The following MUC5B variants were observed in gnomAD, a reference collection of about 807,000 sequenced individuals.
MUC5B encodes mucin 5B, oligomeric mucus/gel-forming, also known as mucin-5B.
MUC5B carries 116 observed loss-of-function variants against 376.9 expected under a neutral mutation model. That is an observed-to-expected ratio of 0.31 (90% CI 0.26 to 0.36). The LOEUF (loss-of-function observed/expected upper bound fraction) is 0.36, where lower values mean the gene tolerates loss of function less well. Ranked by LOEUF, MUC5B falls within the 10% of genes least tolerant of loss-of-function variation. The probability of loss-of-function intolerance (pLI) is 1.00; values close to 1 mark genes in which losing one functional copy is unlikely to be tolerated. For missense variants in MUC5B, 7,165 were observed against 7,769.9 expected (o/e 0.92, Z 2.93); for synonymous variants, 3,517 against 3,390.9 (o/e 1.04, Z -1.29).
intron 18 of MUC5B, 107 bp from the exon 19 acceptor site, chr11:1,233,686 G>T: frequency 9.1e-7 from 1 of 1,093,060 alleles, no homozygotes. Flanking sequence ...TTACAAGGAG[G>T]TGGCCAGGCT....
chr11:1,231,614 C>G (rs1231149951), intron 14 of MUC5B, 54 bp downstream of exon 14: 3 of 1,514,358 alleles, frequency 2.0e-6, no homozygotes, highest in Non-Finnish European at 2.7e-6. Flanking sequence ...GGGGCCTGGA[C>G]TAGCGCCAGG....
At chr11:1,236,213 C>G (rs1862153173) in intron 23 of MUC5B, 173 bp from the exon 24 acceptor site, 3 of 599,268 alleles carry the variant, frequency 5.0e-6, no homozygotes, top group Non-Finnish European at 2.8e-6. Flanking sequence ...CCTGGCCAGC[C>G]TCTTGCCAAA....
At chr11:1,251,778 C>T in intron 31 of MUC5B, 35 bp downstream of exon 31, 7 of 1,433,256 alleles carry the variant, frequency 4.9e-6, no homozygotes, top group Non-Finnish European at 5.8e-6. Context: ...TGTACCCTTT[C>T]CCCACATGCT....
intron 48 of MUC5B, among the ~76,000 whole-genome samples, chr11:1,261,176 A>G (rs1274885205): frequency 6.6e-6 from 1 of 152,202 alleles, no homozygotes; most frequent in African/African-American, 2.4e-5. Context: ...AGTGCAGGCC[A>G]CAGAAGACAG....
chr11:1,235,499 C>A (rs1862137281), intron 23 of MUC5B, 86 bp downstream of exon 23: 4 of 1,149,694 alleles, frequency 3.5e-6, no homozygotes, highest in Admixed American at 2.0e-5. Flanking sequence ...TTTAGCTGCA[C>A]CCACAGGTTC....
chr11:1,259,737 G>A lies in MUC5B; in HGVS notation c.16714-19G>A, dbSNP rs372303226. On this transcript the variant is annotated intron_variant, in intron 44 of 48. Coordinates refer to ENST00000529681, the MANE Select transcript of MUC5B (RefSeq NM_002458.3). ...CTGGAGGAGAGGGTTAGGGCCTGAC[G>A]CCCCTCATGTCCCCACAGGGCTTTG... 128 of 1,611,402 alleles carry A rather than the reference G, an allele frequency of 7.9e-5. No individual in the cohort carries two copies. Among genetic ancestry groups the A allele is most frequent in the Non-Finnish European group, 9.9e-5 (117 of 1,179,002 alleles).
rs538772569 is a variant in MUC5B at position 1,227,827 on chromosome 11, G to A, written c.774+46G>A. 29 of 683,096 alleles carry A rather than the reference G, an allele frequency of 4.2e-5. No homozygotes were observed. In the African/African-American group the frequency reaches 4.6e-4, roughly 11 times the overall value. 42.3% of individuals were successfully genotyped at this position (683,096 alleles called of 1,614,324 possible). A position where few individuals can be genotyped will look rare whatever the true frequency, so the allele number is the denominator to read the frequency against. The stretch of plus-strand genomic sequence containing the variant: ...AGCTCCTGGGCAGGGACGGCCTCCA[G>A]GTCCAGGGGGAGCTGGGCCGAGGTC... On this transcript the variant is annotated intron_variant, in intron 7 of 48. Coordinates refer to ENST00000529681, the MANE Select transcript of MUC5B (RefSeq NM_002458.3).
Position 1,243,191 on chromosome 11 carries a change from T to C in MUC5B, c.6311T>C (p.Val2104Ala). 6.3e-7 allele frequency: 1 copy of C among 1,597,886 alleles called. No homozygotes were observed. The highest frequency in any genetic ancestry group is 8.5e-7 in the Non-Finnish European group (1 of 1,172,438). Residue 2104 changes from valine (V) to alanine (A), a missense_variant, in exon 31 of 49, where the codon GTG becomes GCG. By Grantham distance (64) the Val-to-Ala change is moderately conservative. Around this residue, in one of 31 missense-constraint regions of MUC5B, gnomAD observed 897 missense variants for 779.6 expected, o/e 1.15. Coordinates refer to ENST00000529681, the MANE Select transcript of MUC5B (RefSeq NM_002458.3). ...SIPGTTHTAT[V>A]LTTTTTTVAT... ...CCGGGGACCACCCACACCGCCACAG[T>C]GCTGACCACCACCACCACAACTGTG...
At position 1,250,884 on chromosome 11, in the gene MUC5B, C is replaced by T. The variant is rs754993746; in HGVS notation, c.14004C>T (p.Ser4668=). The stretch of plus-strand genomic sequence containing the variant: ...CCACTGGTTCTATGGCAACACCCTC[C>T]TCTAGCACACAGACCAGTGGTACTC... The part of the protein sequence containing the change: ...TVATGSMATP[S]SSTQTSGTPP... Residue 4668 remains serine (S), a synonymous_variant, in exon 31 of 49, where the codon TCC becomes TCT. Coordinates refer to ENST00000529681, the MANE Select transcript of MUC5B (RefSeq NM_002458.3). The T allele has an allele frequency of 2.5e-6, 4 of 1,590,152 alleles. No homozygotes were observed. In the East Asian group the frequency reaches 9.3e-5, roughly 37 times the overall value.
chr11:1,223,468 G>A (rs1025173846), intron 1 of MUC5B: 1 of 552,118 alleles, frequency 1.8e-6, no homozygotes, highest in Non-Finnish European at 3.3e-6. Flanking sequence ...CCACCGAAAG[G>A]GTCTTGGTCT....
chr11:1,232,904 C>T, intron 17 of MUC5B, 109 bp from the exon 18 acceptor site: 1 of 1,462,460 alleles, frequency 6.8e-7, no homozygotes. Flanking sequence ...TCGCAAGAAC[C>T]TCATGCCCTT....
chr11:1,255,001 TC>T lies in MUC5B; in HGVS notation c.15665-36del. ...GAGGGGGGTGGGGGCTGTGAAAGGC[TC>T]CCCAGATTCCAGCCCCGCGGTGACG... On this transcript the variant is annotated intron_variant, in intron 35 of 48. Coordinates refer to ENST00000529681, the MANE Select transcript of MUC5B (RefSeq NM_002458.3). 6 of 1,534,858 alleles carry T rather than the reference TC, an allele frequency of 3.9e-6. No homozygotes were observed. In the South Asian group the frequency reaches 4.8e-5, roughly 12 times the overall value.
chr11:1,260,346 A>C lies in MUC5B; in HGVS notation c.16924-5A>C, dbSNP rs111338730. 6.7e-4 allele frequency: 1,084 copies of C among 1,611,714 alleles called. 14 individuals are homozygous for C. In the African/African-American group the frequency reaches 0.013, roughly 19 times the overall value. On this transcript the variant is annotated splice_region_variant and splice_polypyrimidine_tract_variant and intron_variant, in intron 46 of 48. Transcript: ENST00000529681. ...GCCCTGCCCCCTGTCTTTGGCCCCC[A>C]CCAGGGGAGCCTCAGGAAAACCGGC...
intron 39 of MUC5B, 125 bp downstream of exon 39, chr11:1,256,896 C>A: frequency 1.3e-6 from 1 of 741,844 alleles, no homozygotes; most frequent in Non-Finnish European, 2.1e-6. Context: ...GTGACCTGTT[C>A]TGCCCCACCA....
Position 1,237,099 on chromosome 11 carries a change from A to C in MUC5B, c.3232A>C (p.Lys1078Gln), listed in dbSNP as rs577887752. The C allele has an allele frequency of 1.9e-6, 3 of 1,551,514 alleles. No individual in the cohort carries two copies. In the South Asian group the frequency reaches 3.6e-5, roughly 19 times the overall value. ...CCCCTGCACGGCCAACCCCTTCCGC[A>C]AGTCCTGGGCCCAGAAGCAGTGCAG... is the stretch of plus-strand genomic sequence containing the variant. ...KDPCTANPFR[K>Q]SWAQKQCSIL... Residue 1078 changes from lysine to glutamine, a missense_variant, in exon 25 of 49, where the codon AAG becomes CAG. By Grantham distance (53) the Lys-to-Gln change is moderately conservative (BLOSUM62 1). Transcript: ENST00000529681.
At position 1,255,218 on chromosome 11, in the gene MUC5B, C is replaced by T. The variant is rs770491763; in HGVS notation, c.15842C>T (p.Thr5281Ile). 2.6e-6 allele frequency: 4 copies of T among 1,536,930 alleles called. No individual in the cohort carries two copies. Among genetic ancestry groups the T allele is most frequent in the African/African-American group, 1.4e-5 (1 of 72,820 alleles). Residue 5281 changes from threonine (T) to isoleucine (I), a missense_variant, in exon 36 of 49, where the codon ACC (threonine) becomes ATC (isoleucine). By Grantham distance (89) the Thr-to-Ile change is moderately conservative (BLOSUM62 -1). Coordinates refer to ENST00000529681, the MANE Select transcript of MUC5B (RefSeq NM_002458.3). ...SPAAPVSSTP[T>I]PTPCPPQPLC... Reference sequence around the variant, plus strand: ...GCAGCCCCGGTGTCTAGCACACCCACCCCCACCCCATGCCCACCACAGCCG... The same window carrying T: ...GCAGCCCCGGTGTCTAGCACACCCATCCCCACCCCATGCCCACCACAGCCG...
rs1339914623 is a variant in MUC5B, at chr11:1,240,334, C to T, written c.3929C>T (p.Pro1310Leu). The T allele has an allele frequency of 6.2e-7, 1 of 1,609,380 alleles. No homozygotes were observed. Among genetic ancestry groups the T allele is most frequent in the South Asian group, 1.1e-5 (1 of 90,788 alleles). Residue 1310 changes from proline to leucine, a missense_variant, in exon 30 of 49, where the codon CCA becomes CTA. Around this residue, in one of 31 missense-constraint regions of MUC5B, gnomAD observed 517 missense variants for 545.3 expected, o/e 0.95. Transcript: ENST00000529681. ...TGTCCTGGAACTCCAGCCACAACGC[C>T]ATTCACCTTCACCACCGCCTGGGTC... Reference protein sequence around the residue: ...VACPGTPATTPFTFTTAWVPH... With the variant: ...VACPGTPATTLFTFTTAWVPH...
In MUC5B at chr11:1,229,283, T is replaced by G. The variant is rs1357191763; in HGVS notation, c.1090T>G (p.Phe364Val). ...LCEDHCVDGC[F>V]CPPGTVLDDI... ...CGAGGACCACTGTGTGGACGGCTGCTTCTGCCCCCCAGGCAGGTCTTGTGT... is the reference window on the plus strand; with the variant it reads ...CGAGGACCACTGTGTGGACGGCTGCGTCTGCCCCCCAGGCAGGTCTTGTGT... The change falls in exon 9 of 49, where the codon TTC becomes GTC. Residue 364 changes from phenylalanine (F) to valine (V), a missense_variant. By Grantham distance (50) the Phe-to-Val change is conservative. This residue lies in a region of MUC5B where 640 missense variants were observed against 733.0 expected (regional missense o/e 0.87). Coordinates refer to ENST00000529681, the MANE Select transcript of MUC5B (RefSeq NM_002458.3). The G allele has an allele frequency of 1.9e-6, 3 of 1,578,456 alleles. No individual in the cohort carries two copies. Among genetic ancestry groups the G allele is most frequent in the Non-Finnish European group, 2.6e-6 (3 of 1,166,570 alleles).
rs555540425 is a variant in MUC5B, at chr11:1,244,345, G to A, written c.7465G>A (p.Ala2489Thr). ...GSTATASSTQ[A>T]TAGTPHVSTT... is the part of the protein sequence containing the mutation. ...CACGGCCACCGCCTCCTCCACCCAG[G>A]CAACTGCTGGCACCCCACATGTGAG... Residue 2489 changes from alanine (A) to threonine (T), a missense_variant, in exon 31 of 49, where the codon GCA (alanine) becomes ACA (threonine). Coordinates refer to ENST00000529681, the MANE Select transcript of MUC5B (RefSeq NM_002458.3). 2 of 1,597,890 alleles carry A rather than the reference G, an allele frequency of 1.3e-6. No individual in the cohort carries two copies. Among genetic ancestry groups the A allele is most frequent in the South Asian group, 1.1e-5 (1 of 90,520 alleles).
Sources: allele counts gnomAD v4.1 joint callset (sites outside exome capture counted in the v4.1 genomes callset), GRCh38; gene constraint gnomAD v4.1.1; regional missense constraint gnomAD v4.1.1; transcripts MANE v1.5; gene names NCBI Gene and HGNC (gene_info 2026-07-23, HGNC 2026-07-21).